PTGER2: variants seen among roughly 807,000 people sequenced by gnomAD.
PTGER2 encodes prostaglandin E2 receptor EP2 subtype.
PTGER2 carries 22 observed loss-of-function variants against 26.2 expected under a neutral mutation model. The ratio of observed to expected loss-of-function variants is 0.84; its 90% CI spans 0.60 to 1.20. PTGER2 has a LOEUF of 1.20. Ranked by LOEUF, PTGER2 falls within the 50% of genes most tolerant of loss-of-function variation. The pLI is 0.00. For synonymous variants in PTGER2, 219 were observed against 208.9 expected, an observed-to-expected ratio of 1.05 and a Z score of -0.42; for missense variants, 458 against 475.2, an observed-to-expected ratio of 0.96 and a Z score of 0.34.
chr14:52,324,876 C>A (rs2033933994), intron 1 of PTGER2, among the ~76,000 whole-genome samples: 1 of 152,200 alleles, frequency 6.6e-6, no homozygotes, highest in African/African-American at 2.4e-5. Context: ...CAGTGGCTCA[C>A]ACCTGTAATC....
rs200194449 is a variant in PTGER2 at position 52,315,172 on chromosome 14, T to C, written c.624T>C (p.Ile208=). 1.2e-6 allele frequency: 2 copies of C among 1,608,386 alleles called. No individual in the cohort carries two copies. Among genetic ancestry groups the C allele is most frequent in the East Asian group, 2.2e-5 (1 of 44,862 alleles). Residue 208 remains isoleucine, a synonymous_variant, in exon 1 of 2, where the codon ATT becomes ATC. Transcript: ENST00000245457. The stretch of plus-strand genomic sequence containing the variant: ...ACGCCACCCTGCTGCTGCTTCTCAT[T>C]GTCTCGGTGCTCGCCTGCAACTTCA... ...QLYATLLLLL[I]VSVLACNFSV...
Position 52,314,511 on chromosome 14 carries a change from G to C in PTGER2, c.-38G>C. The C allele has an allele frequency of 6.9e-7, 1 of 1,450,112 alleles. No homozygotes were observed. Among genetic ancestry groups the C allele is most frequent in the Non-Finnish European group, 9.1e-7 (1 of 1,101,622 alleles). 89.8% of individuals were successfully genotyped at this position (1,450,112 alleles called of 1,614,324 possible). On this transcript the variant is annotated 5_prime_UTR_variant, in exon 1 of 2. Transcript: ENST00000245457. This position sits in a 1 kb window ranked among gnomAD's most constrained non-coding sequence, Gnocchi z 5.7. ...ACCCTCTTCCTCCCAGGTAAAGGCC[G>C]GGAGAGGAGGGCGCATCTCTTTTCC...
chr14:52,319,441 T>C (rs2033873508), intron 1 of PTGER2, among the ~76,000 whole-genome samples: 1 of 152,236 alleles, frequency 6.6e-6, no homozygotes, highest in Non-Finnish European at 1.5e-5. Context: ...CCATGTGGTG[T>C]TTGGGAAATG....
chr14:52,318,663 T>C (rs1348735428), intron 1 of PTGER2, among the ~76,000 whole-genome samples: 2 of 152,078 alleles, frequency 1.3e-5, no homozygotes, highest in African/African-American at 4.8e-5. Context: ...AGCACTCCAG[T>C]AGTGGACAGA....
chr14:52,316,560 C>CTAT (rs1385430249), intron 1 of PTGER2, among the ~76,000 whole-genome samples: 1 of 152,206 alleles, frequency 6.6e-6, no homozygotes, highest in East Asian at 1.9e-4. Context: ...GCAGTGCCTA[C>CTAT]TATTAACAGG....
At chr14:52,325,218 A>G (rs45477498) in intron 1 of PTGER2, among the ~76,000 whole-genome samples, 2,489 of 24,334 alleles carry the variant, frequency 0.1, 41 homozygotes, top group South Asian at 0.42. Context: ...TACCCAGCAT[A>G]GTAGATGATA....
chr14:52,327,115 AC>A (rs1288900316), intron 1 of PTGER2, 105 bp from the exon 2 acceptor site: 6 of 820,740 alleles, frequency 7.3e-6, no homozygotes, highest in Non-Finnish European at 1.1e-5. Context: ...ACTACCACAG[AC>A]AAAACATGGT....
chr14:52,318,879 A>G (rs1451675204), intron 1 of PTGER2, among the ~76,000 whole-genome samples: 1 of 152,214 alleles, frequency 6.6e-6, no homozygotes, highest in Non-Finnish European at 1.5e-5. Context: ...TATCGACCAC[A>G]AAATCAGACT....
At chr14:52,320,132 A>C (rs1006416310) in intron 1 of PTGER2, among the ~76,000 whole-genome samples, 1 of 152,208 alleles carries the variant, frequency 6.6e-6, no homozygotes, top group Non-Finnish European at 1.5e-5. Context: ...TAATGTCCAT[A>C]AACAACTGGA....
Position 52,327,653 on chromosome 14 carries a change from C to CCTA in PTGER2, c.*201_*203dup. 2 of 542,210 alleles carry CCTA rather than the reference C, an allele frequency of 3.7e-6. No individual in the cohort carries two copies. Among genetic ancestry groups the CCTA allele is most frequent in the Non-Finnish European group, 6.4e-6 (2 of 310,202 alleles). 33.6% of individuals were successfully genotyped at this position (542,210 alleles called of 1,614,324 possible). ...TAAAGTGTCAGAAGGAGCTACAAAA[C>CCTA]CTACCCTCAGTGAGCATGGTACTTG... On this transcript the variant is annotated 3_prime_UTR_variant, in exon 2 of 2. Transcript: ENST00000245457.
chr14:52,315,016 G>A lies in PTGER2; in HGVS notation c.468G>A (p.Val156=). The change falls in exon 1 of 2, where the codon GTG becomes GTA. Residue 156 remains valine (V), a synonymous_variant. Coordinates refer to ENST00000245457, the MANE Select transcript of PTGER2 (RefSeq NM_000956.4). The part of the protein sequence containing the change: ...RRVSRSGGLA[V]LPVIYAVSLL... ...TCTCGCGCTCCGGGGGCCTGGCCGT[G>A]CTGCCTGTCATCTATGCAGTCTCCC... is the stretch of plus-strand genomic sequence containing the variant. 1 of 1,613,340 alleles carries A rather than the reference G, an allele frequency of 6.2e-7. No homozygotes were observed. Among genetic ancestry groups the A allele is most frequent in the South Asian group, 1.1e-5 (1 of 91,076 alleles).
Position 52,327,651 on chromosome 14 carries a change from A to C in PTGER2, c.*197A>C. 1 of 542,518 alleles carries C rather than the reference A, an allele frequency of 1.8e-6. No homozygotes were observed. The highest frequency in any genetic ancestry group is 3.2e-6 in the Non-Finnish European group (1 of 310,606). The allele number at this position is 542,518 out of a possible 1,614,324, so 33.6% of individuals were successfully genotyped here. A position where few individuals can be genotyped will look rare whatever the true frequency, so the allele number is the denominator to read the frequency against. On this transcript the variant is annotated 3_prime_UTR_variant, in exon 2 of 2. Coordinates refer to ENST00000245457, the MANE Select transcript of PTGER2 (RefSeq NM_000956.4). ...TGTAAAGTGTCAGAAGGAGCTACAA[A>C]ACCTACCCTCAGTGAGCATGGTACT...
At chr14:52,318,375 TA>T (rs1331790179) in intron 1 of PTGER2, among the ~76,000 whole-genome samples, 1 of 152,186 alleles carries the variant, frequency 6.6e-6, no homozygotes, top group Non-Finnish European at 1.5e-5. Context: ...TAACAAAAAG[TA>T]AAAAGAAACA....
intron 1 of PTGER2, among the ~76,000 whole-genome samples, chr14:52,318,621 G>A (rs1594636858): frequency 6.6e-6 from 1 of 152,182 alleles, no homozygotes; most frequent in Admixed American, 6.5e-5. Flanking sequence ...AAGGAGGACA[G>A]CTGTACCCAG....
Position 52,327,283 on chromosome 14 carries a change from G to A in PTGER2, c.906G>A (p.Arg302=). 6.2e-7 allele frequency: 1 copy of A among 1,613,750 alleles called. No homozygotes were observed. The highest frequency in any genetic ancestry group is 8.5e-7 in the Non-Finnish European group (1 of 1,179,776). ...AAAAATGGGACCTCCAAGCTCTTAG[G>A]TTTTTATCAATTAATTCAATAATTG... ...RKEKWDLQAL[R]FLSINSIIDP... The change falls in exon 2 of 2, where the codon AGG becomes AGA. Residue 302 remains arginine (R), a synonymous_variant. Coordinates refer to ENST00000245457, the MANE Select transcript of PTGER2 (RefSeq NM_000956.4).
At chr14:52,324,799 T>G (rs1227590222) in intron 1 of PTGER2, among the ~76,000 whole-genome samples, 1 of 152,066 alleles carries the variant, frequency 6.6e-6, no homozygotes, top group Non-Finnish European at 1.5e-5. Flanking sequence ...AAAACTTACA[T>G]CAAGAATTTC....
rs778942367 is a variant in PTGER2 at position 52,327,252 on chromosome 14, G to T, written c.875G>T (p.Arg292Leu). ...GCATATATGAATGAAACCTCTTCCCGAAAGGAAAAATGGGACCTCCAAGCT... is the reference window on the plus strand; with the variant it reads ...GCATATATGAATGAAACCTCTTCCCTAAAGGAAAAATGGGACCTCCAAGCT... ...IFAYMNETSS[R>L]KEKWDLQALR... Residue 292 changes from arginine to leucine, a missense_variant, in exon 2 of 2, where the codon CGA (arginine) becomes CTA (leucine). By Grantham distance (102) the Arg-to-Leu change is moderately radical (BLOSUM62 -2). Transcript: ENST00000245457. 6.2e-7 allele frequency: 1 copy of T among 1,611,662 alleles called. No homozygotes were observed. Among genetic ancestry groups the T allele is most frequent in the African/African-American group, 1.3e-5 (1 of 74,894 alleles).
At chr14:52,326,442 C>T (rs914947453) in intron 1 of PTGER2, among the ~76,000 whole-genome samples, 1 of 152,222 alleles carries the variant, frequency 6.6e-6, no homozygotes, top group African/African-American at 2.4e-5. Flanking sequence ...AGGATGTGAG[C>T]ACTGATCTAA....
Position 52,321,730 on chromosome 14 carries a change from G to A in PTGER2, c.844-5491G>A, listed in dbSNP as rs147166426. Reference sequence around the variant, plus strand: ...TCTAACATAGGAATAATAATACTTCGTAGGTTTATGTAAATATTAAACAAA... The same window carrying A: ...TCTAACATAGGAATAATAATACTTCATAGGTTTATGTAAATATTAAACAAA... On this transcript the variant is annotated intron_variant, in intron 1 of 1. Transcript: ENST00000245457. 2.3e-3 allele frequency among the ~76,000 whole-genome samples: 351 copies of A among 152,250 alleles called. 1 individual carries two copies. The highest frequency in any genetic ancestry group is 7.8e-3 in the African/African-American group (322 of 41,548).
Sources: gnomAD v4.1 joint callset for allele counts (sites outside exome capture counted in the v4.1 genomes callset) on GRCh38, gnomAD v4.1.1 for gene constraint, Gnocchi (gnomAD v3.1) non-coding constraint, MANE v1.5 for transcripts, NCBI Gene and HGNC (gene_info 2026-07-23, HGNC 2026-07-21) for gene names.